CDHR3: variants seen among roughly 807,000 people sequenced by gnomAD.
The protein encoded by CDHR3 is cadherin related family member 3.
In CDHR3, 79 loss-of-function variants were observed where a neutral mutation model predicts 86.6. The ratio of observed to expected loss-of-function variants is 0.91; its 90% confidence interval spans 0.76 to 1.10. The LOEUF is 1.10. Ranked by LOEUF, CDHR3 falls within the 50% of genes least tolerant of loss-of-function variation. CDHR3 has a pLI of 0.00. For synonymous variants in CDHR3, 421 were observed against 402.4 expected, an observed-to-expected ratio of 1.05 and a Z score of -0.55; for missense variants, 1,081 against 1,077.6, an observed-to-expected ratio of 1.00 and a Z score of -0.04.
Position 106,035,144 on chromosome 7 carries a change from C to T in CDHR3, c.*2447C>T, listed in dbSNP as rs1419153096. ...TGGTGAGCAGCTGGTCTTTCTTCTC[C>T]AGTGATGACAGGGCAAGAGGGAATT... On this transcript the variant is annotated 3_prime_UTR_variant, in exon 19 of 19. Coordinates refer to ENST00000317716, the MANE Select transcript of CDHR3 (RefSeq NM_152750.5). 6.6e-6 allele frequency among the ~76,000 whole-genome samples: 1 copy of T among 151,896 alleles called. No individual in the cohort carries two copies. The highest frequency in any genetic ancestry group is 1.9e-4 in the East Asian group (1 of 5,184).
chr7:106,008,994 T>C lies in CDHR3; in HGVS notation c.1053-3866T>C, dbSNP rs1338866182. 3.3e-5 allele frequency among the ~76,000 whole-genome samples: 5 copies of C among 152,210 alleles called. No individual in the cohort carries two copies. The East Asian group carries it at 7.7e-4, about 23-fold the overall frequency. On this transcript the variant is annotated intron_variant, in intron 8 of 18. Coordinates refer to ENST00000317716, the MANE Select transcript of CDHR3 (RefSeq NM_152750.5). ...CTGCAGTCCAGAGTCCCCTGGAGTA[T>C]GGGAGGACAGTTTGCAGACTGTGTT...
At chr7:105,970,811 A>C (rs1472575367) in intron 1 of CDHR3, among the ~76,000 whole-genome samples, 1 of 152,226 alleles carries the variant, frequency 6.6e-6, no homozygotes, top group Non-Finnish European at 1.5e-5. Context: ...TACAAATAGC[A>C]ATAGAGCTGG....
At chr7:105,982,978 A>G (rs544046140) in intron 3 of CDHR3, among the ~76,000 whole-genome samples, 3 of 68,240 alleles carry the variant, frequency 4.4e-5, no homozygotes, top group African/African-American at 1.3e-4. Context: ...GCAAGACCCT[A>G]TCTCAAAAAA....
Position 105,974,904 on chromosome 7 carries a change from C to T in CDHR3, c.107C>T (p.Pro36Leu). ...PATGNVAENS[P>L]PGTSVHKFSV... ...ACAGGCAATGTGGCAGAGAATTCTC[C>T]ACCTGGGACTTCAGTGCACAAGTTT... Residue 36 changes from proline to leucine, a missense_variant, in exon 2 of 19, where the codon CCA becomes CTA. Physicochemically the swap from Pro to Leu is moderately conservative, Grantham distance 98 (BLOSUM62 -3). Coordinates refer to ENST00000317716, the MANE Select transcript of CDHR3 (RefSeq NM_152750.5). 6.2e-7 allele frequency: 1 copy of T among 1,613,896 alleles called. No homozygotes were observed. The highest frequency in any genetic ancestry group is 1.7e-5 in the Admixed American group (1 of 60,022).
Position 106,030,723 on chromosome 7 carries a change from G to A in CDHR3, c.2305-69G>A. ...TTTGGTTAAGGAACTTGGGTTGTGA[G>A]GATGTGTAGCTTTGCCTGGGGGAAG... On this transcript the variant is annotated intron_variant, in intron 17 of 18. Coordinates refer to ENST00000317716, the MANE Select transcript of CDHR3 (RefSeq NM_152750.5). This position sits in a 1 kb window ranked among gnomAD's most constrained non-coding sequence, Gnocchi z 4.8. The A allele has an allele frequency of 6.8e-7, 1 of 1,469,866 alleles. No individual in the cohort carries two copies. The highest frequency in any genetic ancestry group is 1.9e-5 in the Admixed American group (1 of 52,694). The allele number at this position is 1,469,866 out of a possible 1,614,324, so 91.1% of individuals were successfully genotyped here.
At chr7:105,976,310 T>C (rs972983299) in intron 2 of CDHR3, among the ~76,000 whole-genome samples, 1 of 152,196 alleles carries the variant, frequency 6.6e-6, no homozygotes, top group Non-Finnish European at 1.5e-5. Flanking sequence ...TCCATCTTAT[T>C]ACCTCCTTTT....
At chr7:105,981,535 G>A (rs1223295201) in intron 3 of CDHR3, among the ~76,000 whole-genome samples, 2 of 152,112 alleles carry the variant, frequency 1.3e-5, no homozygotes, top group Non-Finnish European at 2.9e-5. Context: ...CTACAATAGG[G>A]ACAATGTAAG....
chr7:106,022,645 C>T (rs986933099), intron 14 of CDHR3, among the ~76,000 whole-genome samples, 197 bp downstream of exon 14: 1 of 152,134 alleles, frequency 6.6e-6, no homozygotes, highest in Non-Finnish European at 1.5e-5. Context: ...GACTCATAAC[C>T]GCTAACTCAA....
chr7:106,000,615 G>C (rs1246551439), intron 6 of CDHR3, among the ~76,000 whole-genome samples: 1 of 152,160 alleles, frequency 6.6e-6, no homozygotes, highest in Non-Finnish European at 1.5e-5. Flanking sequence ...TTCCTGCAGA[G>C]TTGTTTTAAA....
chr7:106,022,696 T>C (rs2115888825), intron 14 of CDHR3, among the ~76,000 whole-genome samples: 1 of 152,288 alleles, frequency 6.6e-6, no homozygotes, highest in Admixed American at 6.5e-5. Context: ...AGTGTGTTGT[T>C]TGTGCAGAGA....
intron 4 of CDHR3, among the ~76,000 whole-genome samples, chr7:105,992,967 G>C (rs1430124840): frequency 6.6e-6 from 1 of 152,214 alleles, no homozygotes; most frequent in Non-Finnish European, 1.5e-5. Flanking sequence ...TGGCCTCAAA[G>C]GAGACCTTTA....
intron 2 of CDHR3, among the ~76,000 whole-genome samples, chr7:105,979,090 A>G: frequency 6.6e-6 from 1 of 152,220 alleles, no homozygotes; most frequent in East Asian, 1.9e-4. Context: ...TCAGTGCCAG[A>G]CAGTCTTCTA....
chr7:105,974,439 CT>C (rs1350333473), intron 1 of CDHR3, among the ~76,000 whole-genome samples: 1 of 152,224 alleles, frequency 6.6e-6, no homozygotes. Context: ...GGAAAACAAA[CT>C]CTTGTAAGCT....
intron 1 of CDHR3, among the ~76,000 whole-genome samples, chr7:105,965,574 C>CCCA (rs1554507780): frequency 8.2e-6 from 1 of 121,654 alleles, no homozygotes; most frequent in Non-Finnish European, 1.8e-5. Context: ...CCCACCCCCC[C>CCCA]CCATGGAGTC....
chr7:106,028,558 G>C lies in CDHR3; in HGVS notation c.2280G>C (p.Lys760Asn). 1 of 1,613,974 alleles carries C rather than the reference G, an allele frequency of 6.2e-7. No homozygotes were observed. Among genetic ancestry groups the C allele is most frequent in the Non-Finnish European group, 8.5e-7 (1 of 1,179,856 alleles). ...KEPLTKKGET[K>N]TAERDVVVET... is the part of the protein sequence containing the mutation. ...CTGTTCTGTTCTCTGCAGAAACGAA[G>C]ACTGCAGAGAGAGACGTCGTGGTGG... The change falls in exon 17 of 19, where the codon AAG (lysine) becomes AAC (asparagine). Residue 760 changes from lysine (K) to asparagine (N), a missense_variant. By Grantham distance (94) the Lys-to-Asn change is moderately conservative. Transcript: ENST00000317716.
At chr7:105,971,524 C>CT (rs1827976646) in intron 1 of CDHR3, among the ~76,000 whole-genome samples, 1 of 152,150 alleles carries the variant, frequency 6.6e-6, no homozygotes, top group African/African-American at 2.4e-5. Context: ...TGGAGCTGTC[C>CT]TTGGAGTCAG....
At chr7:106,021,791 C>T (rs1836614126) in intron 13 of CDHR3, among the ~76,000 whole-genome samples, 1 of 152,234 alleles carries the variant, frequency 6.6e-6, no homozygotes, top group Non-Finnish European at 1.5e-5. Flanking sequence ...GTGACCTATT[C>T]TACCCTCTTG....
At chr7:105,989,657 C>T (rs1347386842) in intron 4 of CDHR3, among the ~76,000 whole-genome samples, 1 of 152,064 alleles carries the variant, frequency 6.6e-6, no homozygotes, top group Non-Finnish European at 1.5e-5. Context: ...CATCATATGC[C>T]AGACCTGGCC....
intron 8 of CDHR3, among the ~76,000 whole-genome samples, chr7:106,006,923 G>T (rs1288795226): frequency 6.6e-6 from 1 of 152,208 alleles, no homozygotes; most frequent in Non-Finnish European, 1.5e-5. Flanking sequence ...TCTCCATGAG[G>T]GGCCACCCCT....
Sources: gnomAD v4.1 joint callset for allele counts (sites outside exome capture counted in the v4.1 genomes callset) on GRCh38, gnomAD v4.1.1 for gene constraint, Gnocchi (gnomAD v3.1) non-coding constraint, MANE v1.5 for transcripts, NCBI Gene and HGNC (gene_info 2026-07-23, HGNC 2026-07-21) for gene names.